Variants in GALNT13 observed in about 807,000 individuals in gnomAD.
The protein encoded by GALNT13 is UDP-GalNAc:polypeptide N-acetylgalactosaminyltransferase 13.
A neutral mutation model predicts 64.2 loss-of-function variants in GALNT13; 28 were observed. The ratio of observed to expected loss-of-function variants is 0.44; its 90% CI spans 0.32 to 0.60. The LOEUF (loss-of-function observed/expected upper bound fraction) is 0.60. GALNT13 is among the 20% of genes least tolerant of loss of function. The pLI is 0.05. For missense variants in GALNT13, 577 were observed against 669.8 expected (o/e 0.86, Z 1.53); for synonymous variants, 214 against 224.6 (o/e 0.95, Z 0.42).
At chr2:153,138,380 A>T in the GALNT13 span, among the ~76,000 whole-genome samples, 369 of 152,210 alleles carry the variant, frequency 2.4e-3, no homozygotes, top group African/African-American at 8.6e-3. Context: ...CTTAAACAGG[A>T]TATTCAGGGC....
the GALNT13 span, among the ~76,000 whole-genome samples, chr2:153,208,760 T>C: frequency 2.0e-5 from 3 of 152,126 alleles, no homozygotes; most frequent in Non-Finnish European, 2.9e-5. Flanking sequence ...TATTTTGCAA[T>C]TCCACCAGCA....
At chr2:154,093,741 A>C (rs2105445737) in intron 3 of GALNT13, among the ~76,000 whole-genome samples, 1 of 151,444 alleles carries the variant, frequency 6.6e-6, no homozygotes, top group East Asian at 2.0e-4. Context: ...CATTTTGCAA[A>C]TGAGAAAATT....
At chr2:153,456,849 T>C in the GALNT13 span, among the ~76,000 whole-genome samples, 5 of 152,166 alleles carry the variant, frequency 3.3e-5, no homozygotes, top group African/African-American at 1.2e-4. Context: ...GCAAAAGAAA[T>C]GTCTGGATTA....
chr2:153,788,988 C>T, the GALNT13 span, among the ~76,000 whole-genome samples: 1 of 152,252 alleles, frequency 6.6e-6, no homozygotes, highest in East Asian at 1.9e-4. Context: ...TATATTCTCA[C>T]ACAATAATAG....
At chr2:153,109,033 T>C in the GALNT13 span, among the ~76,000 whole-genome samples, 2 of 152,194 alleles carry the variant, frequency 1.3e-5, no homozygotes, top group Non-Finnish European at 2.9e-5. Context: ...AATATGGTTG[T>C]AGCCTTTGGG....
chr2:153,098,616 G>T, the GALNT13 span, among the ~76,000 whole-genome samples: 6 of 152,022 alleles, frequency 3.9e-5, no homozygotes, highest in African/African-American at 1.2e-4. Flanking sequence ...CCATATTGTT[G>T]CATATGGCTG....
intron 3 of GALNT13, among the ~76,000 whole-genome samples, chr2:154,070,511 A>T (rs1272850601): frequency 6.6e-6 from 1 of 152,174 alleles, no homozygotes; most frequent in African/African-American, 2.4e-5. Context: ...AGAAGAGATC[A>T]TGAAAAAAGA....
the GALNT13 span, among the ~76,000 whole-genome samples, chr2:153,739,359 C>T: frequency 6.6e-6 from 1 of 151,264 alleles, no homozygotes; most frequent in African/African-American, 2.4e-5. Flanking sequence ...TATATTAATT[C>T]TGTATTTTTA....
At chr2:153,328,426 C>G in the GALNT13 span, among the ~76,000 whole-genome samples, 1 of 152,338 alleles carries the variant, frequency 6.6e-6, no homozygotes, top group South Asian at 2.1e-4. Context: ...CCCAAGTGCT[C>G]TGTCCCAGGG....
chr2:153,486,976 G>A, the GALNT13 span, among the ~76,000 whole-genome samples: 3 of 152,220 alleles, frequency 2.0e-5, no homozygotes, highest in African/African-American at 7.2e-5. Flanking sequence ...AGGCACAAAA[G>A]TTGCAATGTC....
At chr2:153,100,227 T>C in the GALNT13 span, among the ~76,000 whole-genome samples, 1 of 152,180 alleles carries the variant, frequency 6.6e-6, no homozygotes, top group Non-Finnish European at 1.5e-5. Context: ...ACTTTCAGAC[T>C]CTAACTGCCA....
intron 12 of GALNT13, chr2:154,441,710 T>A (rs1042346964): frequency 6.6e-6 from 1 of 152,006 alleles, no homozygotes; most frequent in Non-Finnish European, 1.5e-5. Context: ...AAGTCATAAA[T>A]AGAAGCAAGA....
chr2:154,149,711 T>C (rs936418483), intron 4 of GALNT13, among the ~76,000 whole-genome samples: 4 of 152,214 alleles, frequency 2.6e-5, no homozygotes, highest in African/African-American at 9.6e-5. Context: ...AGTTCACTCA[T>C]GATTTGGCTC....
intron 4 of GALNT13, among the ~76,000 whole-genome samples, chr2:154,157,492 A>G (rs1229269581): frequency 6.6e-6 from 1 of 152,092 alleles, no homozygotes; most frequent in Admixed American, 6.6e-5. Flanking sequence ...GGACTACAGA[A>G]TCCTGCTTAC....
the GALNT13 span, among the ~76,000 whole-genome samples, chr2:153,458,614 G>A: frequency 3.5e-3 from 540 of 152,184 alleles, no homozygotes; most frequent in Middle Eastern, 6.8e-3. Context: ...CATCTACTTG[G>A]GTGATATAAT....
At chr2:153,869,686 T>C (rs1019947770), upstream of GALNT13, among the ~76,000 whole-genome samples, 1 of 152,180 alleles carries the variant, frequency 6.6e-6, no homozygotes, top group African/African-American at 2.4e-5. Context: ...ATTTATCCAC[T>C]ACATGTAATT....
chr2:153,385,537 G>A, the GALNT13 span, among the ~76,000 whole-genome samples: 1 of 151,956 alleles, frequency 6.6e-6, no homozygotes, highest in Admixed American at 6.6e-5. Context: ...CCAGGGGCTG[G>A]GAATGGTAGC....
chr2:154,436,806 A>G (rs1700997996), intron 11 of GALNT13: 1 of 152,204 alleles, frequency 6.6e-6, no homozygotes, highest in Non-Finnish European at 1.5e-5. Flanking sequence ...TCTGTGTTAT[A>G]TTTTACATAA....
chr2:153,501,655 G>GT, the GALNT13 span, among the ~76,000 whole-genome samples: 4 of 152,156 alleles, frequency 2.6e-5, no homozygotes, highest in Non-Finnish European at 5.9e-5. Flanking sequence ...TTCCCAAGGA[G>GT]TCCCTGGACA....
Sources: allele counts gnomAD v4.1 joint callset (sites outside exome capture counted in the v4.1 genomes callset), GRCh38; gene constraint gnomAD v4.1.1; transcripts MANE v1.5; gene names NCBI Gene and HGNC (gene_info 2026-07-23, HGNC 2026-07-21).